RET: variants seen among roughly 807,000 people sequenced by gnomAD.
RET encodes the protein ret proto-oncogene, also known as proto-oncogene tyrosine-protein kinase receptor Ret.
In RET, 19 loss-of-function variants were observed where a neutral mutation model predicts 118.3. The ratio of observed to expected loss-of-function variants is 0.16; its 90% confidence interval spans 0.11 to 0.24. RET has a LOEUF of 0.24. RET is among the 10% of genes least tolerant of loss of function. The pLI, the probability that RET is intolerant of heterozygous loss-of-function variation, is 1.00. For missense variants in RET, 1,219 were observed against 1,502.1 expected, an observed-to-expected ratio of 0.81 and a Z score of 3.12; for synonymous variants, 597 against 644.1, an observed-to-expected ratio of 0.93 and a Z score of 1.11.
intron 1 of RET, among the ~76,000 whole-genome samples, chr10:43,094,438 T>G (rs1006645821): frequency 2.0e-5 from 3 of 152,248 alleles, no homozygotes; most frequent in African/African-American, 7.2e-5. Context: ...ATGCAGTTTT[T>G]GGATCATATC....
chr10:43,109,355 C>T (rs1837864065), intron 6 of RET, 125 bp downstream of exon 6: 1 of 983,670 alleles, frequency 1.0e-6, no homozygotes, highest in Admixed American at 2.0e-5. Context: ...GAGTCCTGAG[C>T]CCAGGGCCAG....
intron 1 of RET, among the ~76,000 whole-genome samples, chr10:43,078,885 G>A (rs1171472683): frequency 1.3e-5 from 2 of 152,168 alleles, no homozygotes; most frequent in Non-Finnish European, 2.9e-5. Context: ...GGGATAACCC[G>A]GACACCACAG....
intron 3 of RET, among the ~76,000 whole-genome samples, chr10:43,103,384 G>A (rs139256388): frequency 6.6e-6 from 1 of 152,166 alleles, no homozygotes; most frequent in Non-Finnish European, 1.5e-5. Context: ...GATGTGGGGT[G>A]TGATGCCGGG....
At chr10:43,096,808 G>A (rs1480922197) in intron 1 of RET, among the ~76,000 whole-genome samples, 3 of 152,296 alleles carry the variant, frequency 2.0e-5, no homozygotes, top group East Asian at 1.9e-4. Context: ...TAAACCAAGC[G>A]TGAGACCTCT....
chr10:43,106,962 A>G lies in RET; in HGVS notation c.1063+391A>G, dbSNP rs1837795476. On this transcript the variant is annotated intron_variant, in intron 5 of 19. Coordinates refer to ENST00000355710, the MANE Select transcript of RET (RefSeq NM_020975.6). This position sits in a 1 kb window ranked among gnomAD's most constrained non-coding sequence, Gnocchi z 5.1. Reference sequence around the variant, plus strand: ...TACGGATTATTGCTCCAGCCTCAGCAGCTCTCTGCTAAACAGGCTGGTGTA... The same window carrying G: ...TACGGATTATTGCTCCAGCCTCAGCGGCTCTCTGCTAAACAGGCTGGTGTA... 6.6e-6 allele frequency among the ~76,000 whole-genome samples: 1 copy of G among 152,192 alleles called. No homozygotes were observed. Among genetic ancestry groups the G allele is most frequent in the Non-Finnish European group, 1.5e-5 (1 of 68,018 alleles).
intron 4 of RET, among the ~76,000 whole-genome samples, chr10:43,105,529 C>G (rs1837750865): frequency 6.6e-6 from 1 of 152,156 alleles, no homozygotes. Context: ...GCAGTTAGCC[C>G]CCAACGGGAG....
At chr10:43,108,468 G>C (rs1457302654) in intron 5 of RET, among the ~76,000 whole-genome samples, 1 of 152,164 alleles carries the variant, frequency 6.6e-6, no homozygotes, top group Non-Finnish European at 1.5e-5. Context: ...TAATGTTAAT[G>C]CCGGTCAGTT....
intron 7 of RET, 30 bp downstream of exon 7, chr10:43,111,495 G>T (rs765269519): frequency 1.3e-6 from 2 of 1,597,628 alleles, no homozygotes; most frequent in Non-Finnish European, 1.7e-6. Flanking sequence ...AGGGAGGGTC[G>T]GGGTCCTGGG....
At chr10:43,101,625 G>C (rs1490233593) in intron 2 of RET, among the ~76,000 whole-genome samples, 1 of 152,264 alleles carries the variant, frequency 6.6e-6, no homozygotes, top group Non-Finnish European at 1.5e-5. Context: ...GTGGGGGCCA[G>C]TGTGGAATTT....
In RET at chr10:43,077,341, G is replaced by C. The variant is rs1052703455; in HGVS notation, c.73+10G>C. On this transcript the variant is annotated intron_variant, in intron 1 of 19. Transcript: ENST00000355710. ...CCGCTGCTAGGCAAAGGTGAGTTCT[G>C]CCGGCCGCCGGCTCCCGCAGGGGCC... 4.0e-6 allele frequency: 6 copies of C among 1,506,076 alleles called. No individual in the cohort carries two copies. Among genetic ancestry groups the C allele is most frequent in the Admixed American group, 2.1e-5 (1 of 48,170 alleles). The allele number at this position is 1,506,076 out of a possible 1,614,324, so 93.3% of individuals were successfully genotyped here. A position where few individuals can be genotyped will look rare whatever the true frequency, so the allele number is the denominator to read the frequency against.
Position 43,123,803 on chromosome 10 carries a change from G to A in RET, c.2934G>A (p.Glu978=), listed in dbSNP as rs767306671. ...HRMERPDNCS[E]EMYRLMLQCW... ...TGGAGAGGCCAGACAACTGCAGCGA[G>A]GAGATGTGAGCGGGGACTGGCTTTG... Residue 978 remains glutamate, a synonymous_variant, in exon 17 of 20, where the codon GAG becomes GAA. Coordinates refer to ENST00000355710, the MANE Select transcript of RET (RefSeq NM_020975.6). The A allele has an allele frequency of 1.2e-5, 19 of 1,614,004 alleles. No individual in the cohort carries two copies. Among genetic ancestry groups the A allele is most frequent in the South Asian group, 9.9e-5 (9 of 91,094 alleles).
At chr10:43,120,261 A>G (rs2132966418) in intron 15 of RET, 58 bp downstream of exon 15, 1 of 1,605,948 alleles carries the variant, frequency 6.2e-7, no homozygotes, top group Non-Finnish European at 8.5e-7. Context: ...ACCATGGGGC[A>G]GGCAGTGCCC....
intron 1 of RET, among the ~76,000 whole-genome samples, chr10:43,094,190 G>C (rs889626959): frequency 8.5e-5 from 13 of 152,150 alleles, no homozygotes; most frequent in Non-Finnish European, 1.8e-4. Flanking sequence ...GCCTGGGGAG[G>C]CGGGGACCGC....
In RET at chr10:43,123,736, C is replaced by T. The variant is rs1838269153; in HGVS notation, c.2867C>T (p.Pro956Leu). ...TLGGNPYPGI[P>L]PERLFNLLKT... Reference sequence around the variant, plus strand: ...GGGGGAAACCCCTATCCTGGGATTCCTCCTGAGCGGCTCTTCAACCTTCTG... The same window carrying T: ...GGGGGAAACCCCTATCCTGGGATTCTTCCTGAGCGGCTCTTCAACCTTCTG... The change falls in exon 17 of 20, where the codon CCT becomes CTT. Residue 956 changes from proline (P) to leucine (L), a missense_variant. This residue lies in a region of RET where 73 missense variants were observed against 156.5 expected (regional missense o/e 0.47). Transcript: ENST00000355710. 6.2e-7 allele frequency: 1 copy of T among 1,614,204 alleles called. No individual in the cohort carries two copies. Among genetic ancestry groups the T allele is most frequent in the Non-Finnish European group, 8.5e-7 (1 of 1,180,038 alleles).
rs2132779916 is a variant in RET at position 43,111,529 on chromosome 10, G to A, written c.1522+64G>A. On this transcript the variant is annotated intron_variant, in intron 7 of 19. Transcript: ENST00000355710. Reference sequence around the variant, plus strand: ...GGGGCTTCTGGAGCCTGGGCCTCCTGCCCTTTGAGAAAAGCAGTACAGCTG... The same window carrying A: ...GGGGCTTCTGGAGCCTGGGCCTCCTACCCTTTGAGAAAAGCAGTACAGCTG... 1.9e-6 allele frequency: 3 copies of A among 1,545,088 alleles called. No individual in the cohort carries two copies. The South Asian group carries it at 3.6e-5, about 18-fold the overall frequency.
In RET at chr10:43,130,244, T is replaced by A; in HGVS notation, c.*1975T>A. On this transcript the variant is annotated 3_prime_UTR_variant, in exon 20 of 20. Transcript: ENST00000355710. ...AGTAGTAATCTGTCAGTTATTAAAA[T>A]TTGTAAAATCTATTTATGAAAGGTC... 1 of 386,712 alleles carries A rather than the reference T, an allele frequency of 2.6e-6. No individual in the cohort carries two copies. The highest frequency in any genetic ancestry group is 4.6e-6 in the Non-Finnish European group (1 of 219,282). The allele number at this position is 386,712 out of a possible 1,614,324, so 24.0% of individuals were successfully genotyped here. A position where few individuals can be genotyped will look rare whatever the true frequency, so the allele number is the denominator to read the frequency against.
In RET at chr10:43,084,951, C is replaced by T. The variant is rs534425909; in HGVS notation, c.73+7620C>T. Among the ~76,000 whole-genome samples, 3 of 152,322 alleles carry T rather than the reference C, an allele frequency of 2.0e-5. No individual in the cohort carries two copies. In the East Asian group the frequency reaches 5.8e-4, roughly 29 times the overall value. On this transcript the variant is annotated intron_variant, in intron 1 of 19. Transcript: ENST00000355710. ...GCCGCCCTCTCTCGCTCATCCTGAA[C>T]CCTGACTCTAAAAATAACCAGGCTG... is the stretch of plus-strand genomic sequence containing the variant.
At chr10:43,097,702 A>C (rs780573366) in intron 1 of RET, among the ~76,000 whole-genome samples, 5 of 152,174 alleles carry the variant, frequency 3.3e-5, no homozygotes, top group Non-Finnish European at 7.3e-5. Flanking sequence ...GCACTTCAAG[A>C]GAAGCTTTCT....
Position 43,102,595 on chromosome 10 carries a change from C to T in RET, c.591C>T (p.Cys197=), listed in dbSNP as rs764910706. The change falls in exon 3 of 20, where the codon TGC becomes TGT. Residue 197 remains cysteine (C), a synonymous_variant. Coordinates refer to ENST00000355710, the MANE Select transcript of RET (RefSeq NM_020975.6). ...GCCTGCTGCCTGTGCAGTTCTTGTG[C>T]CCCAACATCAGCGTGGCCTACAGGC... The part of the protein sequence containing the change: ...QFRLLPVQFL[C]PNISVAYRLL... 2 of 1,614,198 alleles carry T rather than the reference C, an allele frequency of 1.2e-6. No individual in the cohort carries two copies. Among genetic ancestry groups the T allele is most frequent in the South Asian group, 1.1e-5 (1 of 91,082 alleles).
Sources: allele counts gnomAD v4.1 joint callset (sites outside exome capture counted in the v4.1 genomes callset), GRCh38; gene constraint gnomAD v4.1.1; regional missense constraint gnomAD v4.1.1; non-coding constraint Gnocchi (gnomAD v3.1); transcripts MANE v1.5; gene names NCBI Gene and HGNC (gene_info 2026-07-23, HGNC 2026-07-21).